Variants in PDE4D observed in about 807,000 individuals in gnomAD.
The protein encoded by PDE4D is phosphodiesterase 4D.
A neutral mutation model predicts 87.4 loss-of-function variants in PDE4D; 24 were observed. That is an observed-to-expected ratio of 0.27 (90% CI 0.20 to 0.39). The LOEUF (loss-of-function observed/expected upper bound fraction) is 0.39, where lower values mean the gene tolerates loss of function less well. Ranked by LOEUF, PDE4D falls within the 10% of genes least tolerant of loss-of-function variation. The pLI, the probability that PDE4D is intolerant of heterozygous loss-of-function variation, is 1.00. For missense variants in PDE4D, 714 were observed against 1,041.0 expected (o/e 0.69, Z 4.32); for synonymous variants, 384 against 383.2 (o/e 1.00, Z -0.02).
chr5:59,512,407 T>C (rs1810436703), intron 1 of PDE4D, among the ~76,000 whole-genome samples: 2 of 152,172 alleles, frequency 1.3e-5, no homozygotes, highest in Admixed American at 1.3e-4. Context: ...TGAGGAGTCA[T>C]GGAGCTCCAT....
intron 1 of PDE4D, among the ~76,000 whole-genome samples, chr5:59,450,205 C>A (rs542101254): frequency 2.3e-4 from 35 of 152,350 alleles, no homozygotes; most frequent in African/African-American, 8.2e-4. Flanking sequence ...TAGCATGTTA[C>A]ACACATTACA....
rs570648094 is a variant in PDE4D at position 59,070,035 on chromosome 5, C to T, written c.809-31064G>A. Among the ~76,000 whole-genome samples, 25 of 152,212 alleles carry T rather than the reference C, an allele frequency of 1.6e-4. 1 individual carries two copies. In the South Asian group the frequency reaches 5.0e-3, roughly 30 times the overall value. ...GAAGTACTAAGTCAGAAGGAATAAA[C>T]ATTTTTATACCTCTTAATGTGTATT... On this transcript the variant is annotated intron_variant, in intron 5 of 14. Transcript: ENST00000340635.
chr5:59,832,655 T>G (rs544543844), intron 1 of PDE4D, among the ~76,000 whole-genome samples: 3 of 152,114 alleles, frequency 2.0e-5, no homozygotes, highest in Admixed American at 2.0e-4. Flanking sequence ...CCCTGAGATC[T>G]CAAAAGCCTA....
At chr5:59,606,313 A>G (rs1828193563) in intron 1 of PDE4D, among the ~76,000 whole-genome samples, 1 of 152,168 alleles carries the variant, frequency 6.6e-6, no homozygotes, top group Non-Finnish European at 1.5e-5. Flanking sequence ...TACCATTTAG[A>G]AACATGCAAC....
At chr5:59,586,063 C>A (rs1825065784) in intron 1 of PDE4D, among the ~76,000 whole-genome samples, 1 of 152,166 alleles carries the variant, frequency 6.6e-6, no homozygotes, top group Non-Finnish European at 1.5e-5. Context: ...TTGCCATTCT[C>A]AAAGTTTTTT....
chr5:60,343,673 G>A (rs187329938), intron 1 of PDE4D, among the ~76,000 whole-genome samples: 10 of 151,986 alleles, frequency 6.6e-5, no homozygotes, highest in Admixed American at 3.3e-4. Context: ...CTGGAGGGTC[G>A]AAAGATGGGA....
At chr5:59,621,556 G>C (rs867546030) in intron 1 of PDE4D, among the ~76,000 whole-genome samples, 1 of 152,208 alleles carries the variant, frequency 6.6e-6, no homozygotes, top group African/African-American at 2.4e-5. Flanking sequence ...CCCTAGCATA[G>C]TGGCTAATTC....
chr5:59,327,132 T>TACACACACAC lies in PDE4D; in HGVS notation c.456-111174_456-111165dup, dbSNP rs3061651. On this transcript the variant is annotated intron_variant, in intron 1 of 14. Coordinates refer to ENST00000340635, the MANE Select transcript of PDE4D (RefSeq NM_001104631.2). Reference sequence around the variant, plus strand: ...TCATATGTTAATACAGAAACAGAAATACACACACACACACACACACACACA... The same window carrying TACACACACAC: ...TCATATGTTAATACAGAAACAGAAATACACACACACACACACACACACACACACACACACA... Among the ~76,000 whole-genome samples the TACACACACAC allele has an allele frequency of 2.2e-3, 314 of 141,846 alleles. 1 individual carries two copies. The highest frequency in any genetic ancestry group is 4.3e-3 in the South Asian group (18 of 4,216). 93.1% of individuals were successfully genotyped at this position (141,846 alleles called of 152,430 possible).
At chr5:59,331,452 T>C (rs1776715827) in intron 1 of PDE4D, among the ~76,000 whole-genome samples, 1 of 152,154 alleles carries the variant, frequency 6.6e-6, no homozygotes, top group Non-Finnish European at 1.5e-5. Context: ...GGGTCTACCC[T>C]AATGATCTCA....
At chr5:59,923,425 C>T (rs1408744292) in intron 3 of PDE4D, among the ~76,000 whole-genome samples, 1 of 152,218 alleles carries the variant, frequency 6.6e-6, no homozygotes, top group African/African-American at 2.4e-5. Flanking sequence ...GTGTTGGCTT[C>T]AGGTCTGACC....
intron 1 of PDE4D, among the ~76,000 whole-genome samples, chr5:60,326,524 T>A (rs1756810382): frequency 6.6e-6 from 1 of 152,100 alleles, no homozygotes; most frequent in Non-Finnish European, 1.5e-5. Context: ...TCTTAGGCCA[T>A]CAGAAAATTT....
At chr5:60,099,617 C>CA in intron 2 of PDE4D, among the ~76,000 whole-genome samples, 1 of 151,424 alleles carries the variant, frequency 6.6e-6, no homozygotes, top group South Asian at 2.1e-4. Flanking sequence ...GAAAGAAAAA[C>CA]AAATGGTTAT....
At chr5:60,019,670 C>A (rs761155068) in intron 2 of PDE4D, among the ~76,000 whole-genome samples, 1 of 152,150 alleles carries the variant, frequency 6.6e-6, no homozygotes, top group East Asian at 1.9e-4. Context: ...CCTCTCTCAG[C>A]CTTCATAGAA....
At chr5:60,395,859 G>A (rs1762850705) in intron 1 of PDE4D, among the ~76,000 whole-genome samples, 1 of 151,718 alleles carries the variant, frequency 6.6e-6, no homozygotes, top group Admixed American at 6.6e-5. Context: ...TGAGTTGTTT[G>A]AGCCCCCTAA....
intron 1 of PDE4D, chr5:59,275,546 C>G (rs1278598280): frequency 6.9e-7 from 1 of 1,448,032 alleles, no homozygotes; most frequent in Non-Finnish European, 9.0e-7. Flanking sequence ...GAGTCCATCT[C>G]CTGTCCTCGG....
rs368333834 is a variant in PDE4D at position 59,946,639 on chromosome 5, A to T, written c.272+41849T>A. 3.9e-5 allele frequency among the ~76,000 whole-genome samples: 6 copies of T among 152,360 alleles called. No individual in the cohort carries two copies. The East Asian group carries it at 9.6e-4, about 24-fold the overall frequency. ...CATTTGCTCTAGCTGTGGAGTCCTT[A>T]GCATTTGCCAGGTTTTAACAGTGAG... On this transcript the variant is annotated intron_variant, in intron 3 of 16. Coordinates refer to the PDE4D transcript ENST00000502484.
intron 2 of PDE4D, among the ~76,000 whole-genome samples, chr5:59,999,347 G>A (rs1387265030): frequency 6.6e-6 from 1 of 152,086 alleles, no homozygotes. Flanking sequence ...TACTTTGGAT[G>A]CCTGGGGTCT....
At chr5:59,085,317 G>A (rs1319430494) in intron 5 of PDE4D, among the ~76,000 whole-genome samples, 3 of 152,036 alleles carry the variant, frequency 2.0e-5, no homozygotes, top group Non-Finnish European at 4.4e-5. Flanking sequence ...ATTACCTTCA[G>A]TATAATCTCA....
At chr5:59,327,673 C>T (rs934357197) in intron 1 of PDE4D, among the ~76,000 whole-genome samples, 1 of 152,134 alleles carries the variant, frequency 6.6e-6, no homozygotes, top group South Asian at 2.1e-4. Flanking sequence ...CAAGAAATGC[C>T]TCTCCAATTT....
Sources: allele counts gnomAD v4.1 joint callset (sites outside exome capture counted in the v4.1 genomes callset), GRCh38; gene constraint gnomAD v4.1.1; transcripts MANE v1.5; gene names NCBI Gene and HGNC (gene_info 2026-07-23, HGNC 2026-07-21).